Variants in EPRS1 observed in about 807,000 individuals in gnomAD.
EPRS1 encodes glutamyl-prolyl-tRNA synthetase 1, also known as bifunctional glutamate/proline--tRNA ligase.
Under a neutral mutation model 188.3 loss-of-function variants are expected in EPRS1, and 107 were observed. That is an observed-to-expected ratio of 0.57 (90% CI 0.49 to 0.67). The LOEUF is 0.67. EPRS1 is among the 30% of genes least tolerant of loss of function. The pLI is 0.00. For missense variants in EPRS1, 1,577 were observed against 1,802.2 expected (o/e 0.88, Z 2.26); for synonymous variants, 596 against 593.1 (o/e 1.00, Z -0.07).
At chr1:220,004,902 G>C (rs2102579382) in intron 16 of EPRS1, among the ~76,000 whole-genome samples, 1 of 151,512 alleles carries the variant, frequency 6.6e-6, no homozygotes, top group East Asian at 1.9e-4. Context: ...CATTTATCTA[G>C]TGAAAATACA....
At chr1:219,999,272 A>T (rs1396478651) in intron 17 of EPRS1, among the ~76,000 whole-genome samples, 1 of 152,130 alleles carries the variant, frequency 6.6e-6, no homozygotes, top group Non-Finnish European at 1.5e-5. Flanking sequence ...TCTGACTGCA[A>T]AGTTGGGTAT....
chr1:220,019,545 G>T (rs1235616903), intron 10 of EPRS1, among the ~76,000 whole-genome samples: 1 of 152,194 alleles, frequency 6.6e-6, no homozygotes, highest in Non-Finnish European at 1.5e-5. Context: ...GCAAACCTCA[G>T]TAAGTATGCA....
intron 17 of EPRS1, among the ~76,000 whole-genome samples, chr1:220,000,449 C>T (rs981229742): frequency 1.3e-5 from 2 of 152,168 alleles, no homozygotes; most frequent in Non-Finnish European, 2.9e-5. Context: ...ACTGTTTGTA[C>T]AGGTTTTTAG....
chr1:220,010,794 G>A, intron 13 of EPRS1, 152 bp downstream of exon 13: 1 of 511,972 alleles, frequency 2.0e-6, no homozygotes, highest in Non-Finnish European at 3.4e-6. Flanking sequence ...TGGAGACATA[G>A]CAAGACTACG....
chr1:219,987,114 T>C (rs993304097), intron 20 of EPRS1, 28 bp downstream of exon 20: 1 of 1,586,330 alleles, frequency 6.3e-7, no homozygotes, highest in Non-Finnish European at 8.5e-7. Context: ...ACTGCTTTGC[T>C]TCAAATGAAG....
chr1:220,027,496 G>A (rs1365210340), intron 6 of EPRS1, among the ~76,000 whole-genome samples: 1 of 150,402 alleles, frequency 6.6e-6, no homozygotes, highest in Non-Finnish European at 1.5e-5. Flanking sequence ...GGAGGATGAG[G>A]CAGGAGAATT....
intron 7 of EPRS1, 138 bp from the exon 8 acceptor site, chr1:220,024,594 A>G: frequency 1.7e-6 from 1 of 582,918 alleles, no homozygotes; most frequent in African/African-American, 1.9e-5. Context: ...TGGAAGTTAC[A>G]TGATATTAGA....
At chr1:220,028,232 G>C in intron 6 of EPRS1, among the ~76,000 whole-genome samples, 1 of 152,098 alleles carries the variant, frequency 6.6e-6, no homozygotes, top group East Asian at 1.9e-4. Flanking sequence ...GTCAAGAAAA[G>C]ATTAACAATT....
In EPRS1 at chr1:219,998,184, T is replaced by C. The variant is rs547313477; in HGVS notation, c.2182-842A>G. 2.0e-5 allele frequency among the ~76,000 whole-genome samples: 3 copies of C among 152,292 alleles called. No homozygotes were observed. The East Asian group carries it at 5.8e-4, about 29-fold the overall frequency. On this transcript the variant is annotated intron_variant, in intron 17 of 31. Coordinates refer to ENST00000366923, the MANE Select transcript of EPRS1 (RefSeq NM_004446.3). The stretch of plus-strand genomic sequence containing the variant: ...ATTTTTCAGAATAATCTTATCCATA[T>C]TCACAGTCTTATGTACAAATTCCAA...
At position 220,040,212 on chromosome 1, in the gene EPRS1, C is replaced by T. The variant is rs1342874557; in HGVS notation, c.104G>A (p.Gly35Glu). Residue 35 changes from glycine (G) to glutamate (E), a missense_variant, in exon 2 of 32, where the codon GGG (glycine) becomes GAG (glutamate). Coordinates refer to ENST00000366923, the MANE Select transcript of EPRS1 (RefSeq NM_004446.3). The part of the protein sequence containing the change: ...KDDVSISVEE[G>E]KENILHVSEN... ...AGAAACATGAAGAATATTCTCTTTC[C>T]CTTCTTCAACGGAAATGCTGACATC... is the stretch of plus-strand genomic sequence containing the variant. 6.2e-7 allele frequency: 1 copy of T among 1,606,262 alleles called. No individual in the cohort carries two copies. Among genetic ancestry groups the T allele is most frequent in the Admixed American group, 1.7e-5 (1 of 59,884 alleles).
chr1:219,984,679 T>A lies in EPRS1; in HGVS notation c.3039-422A>T, dbSNP rs115894402. 3.4e-3 allele frequency among the ~76,000 whole-genome samples: 525 copies of A among 152,232 alleles called. 5 individuals carry two copies. The highest frequency in any genetic ancestry group is 0.012 in the African/African-American group (514 of 41,548). On this transcript the variant is annotated intron_variant, in intron 20 of 31. Coordinates refer to ENST00000366923, the MANE Select transcript of EPRS1 (RefSeq NM_004446.3). Reference sequence around the variant, plus strand: ...CTCATGCAATCCTCCTGTTCTGGCCTCCCAGAGTGCTGGGATTACAGGCAT... The same window carrying A: ...CTCATGCAATCCTCCTGTTCTGGCCACCCAGAGTGCTGGGATTACAGGCAT...
At chr1:219,986,974 A>G (rs1661018495) in intron 20 of EPRS1, among the ~76,000 whole-genome samples, 168 bp downstream of exon 20, 1 of 150,674 alleles carries the variant, frequency 6.6e-6, no homozygotes, top group African/African-American at 2.5e-5. Context: ...CGTGTTACCT[A>G]TTTTTAAAAC....
chr1:220,041,665 A>AC lies in EPRS1; in HGVS notation c.47-1397dup, dbSNP rs1662297710. ...AGACCAGCCTGACCAACATGGAGAA[A>AC]CCCCATCTCCACTAAAAATACAAAA... On this transcript the variant is annotated intron_variant, in intron 1 of 31. Coordinates refer to ENST00000366923, the MANE Select transcript of EPRS1 (RefSeq NM_004446.3). 2.0e-5 allele frequency among the ~76,000 whole-genome samples: 3 copies of AC among 152,000 alleles called. No homozygotes were observed. In the South Asian group the frequency reaches 6.2e-4, roughly 32 times the overall value.
chr1:220,009,970 T>C (rs2789806), intron 13 of EPRS1, among the ~76,000 whole-genome samples: 131,137 of 151,758 alleles, frequency 0.86, 57,078 homozygotes, highest in African/African-American at 0.97. Context: ...GTGGCGCACA[T>C]CTGTAATCCA....
At chr1:219,996,306 A>G (rs1413043990) in intron 18 of EPRS1, among the ~76,000 whole-genome samples, 2 of 152,252 alleles carry the variant, frequency 1.3e-5, no homozygotes, top group Non-Finnish European at 2.9e-5. Context: ...AGATAATCAC[A>G]GGTCAAAAAC....
chr1:220,006,040 AAAATT>A, intron 15 of EPRS1, 61 bp downstream of exon 15: 1 of 923,298 alleles, frequency 1.1e-6, no homozygotes, highest in South Asian at 2.1e-5. Context: ...CGAAATATAT[AAAATT>A]AATTTTTTTA....
At chr1:220,042,860 T>TG (rs1284592906) in intron 1 of EPRS1, among the ~76,000 whole-genome samples, 2 of 151,272 alleles carry the variant, frequency 1.3e-5, no homozygotes, top group African/African-American at 4.9e-5. Flanking sequence ...GGCAGAGGTT[T>TG]CAGTGAGCCA....
In EPRS1 at chr1:220,005,277, G is replaced by A; in HGVS notation, c.2034C>T (p.Phe678=). ...CAGGTTCATAAGGTTGATCACATATGAAGAATCCTCTTCTCTGGAGTTGTA... is the reference window on the plus strand; with the variant it reads ...CAGGTTCATAAGGTTGATCACATATAAAGAATCCTCTTCTCTGGAGTTGTA... ...DIIQLQRRGF[F]ICDQPYEPVS... is the part of the protein sequence containing the mutation. Residue 678 remains phenylalanine, a synonymous_variant, in exon 16 of 32, where the codon TTC becomes TTT. Transcript: ENST00000366923. 1 of 1,584,618 alleles carries A rather than the reference G, an allele frequency of 6.3e-7. No homozygotes were observed. The highest frequency in any genetic ancestry group is 8.6e-7 in the Non-Finnish European group (1 of 1,161,520).
intron 17 of EPRS1, among the ~76,000 whole-genome samples, chr1:220,000,304 A>G (rs892720702): frequency 2.6e-5 from 4 of 152,250 alleles, no homozygotes; most frequent in African/African-American, 9.6e-5. Context: ...TGAATAATAT[A>G]TAGTAGCAAT....
Sources: allele counts gnomAD v4.1 joint callset (sites outside exome capture counted in the v4.1 genomes callset), GRCh38; gene constraint gnomAD v4.1.1; transcripts MANE v1.5; gene names NCBI Gene and HGNC (gene_info 2026-07-23, HGNC 2026-07-21).